PRKG1: variants seen among roughly 807,000 people sequenced by gnomAD.
PRKG1 encodes cGMP-dependent protein kinase 1.
A neutral mutation model predicts 88.1 loss-of-function variants in PRKG1; 35 were observed. The ratio of observed to expected loss-of-function variants is 0.40; its 90% CI spans 0.30 to 0.53. PRKG1 has a LOEUF of 0.53. Ranked by LOEUF, PRKG1 falls within the 20% of genes least tolerant of loss-of-function variation. The probability of loss-of-function intolerance (pLI) is 0.59; values close to 1 mark genes in which losing one functional copy is unlikely to be tolerated. For missense variants in PRKG1, 540 were observed against 839.8 expected (o/e 0.64, Z 4.41); for synonymous variants, 303 against 292.5 (o/e 1.04, Z -0.37).
chr10:51,186,966 A>ATATATG (rs1837507650), intron 2 of PRKG1, among the ~76,000 whole-genome samples: 1 of 145,356 alleles, frequency 6.9e-6, no homozygotes, highest in African/African-American at 2.5e-5. Context: ...ATATATATAT[A>ATATATG]TATATATATA....
chr10:51,115,051 C>G (rs994840553), intron 1 of PRKG1, among the ~76,000 whole-genome samples: 1 of 151,952 alleles, frequency 6.6e-6, no homozygotes, highest in African/African-American at 2.4e-5. Flanking sequence ...TGCAGTGGCT[C>G]ATGTCTGTAA....
intron 5 of PRKG1, among the ~76,000 whole-genome samples, chr10:51,969,309 C>T (rs1385505620): frequency 1.3e-5 from 2 of 152,064 alleles, no homozygotes; most frequent in Admixed American, 6.6e-5. Context: ...CATCATGCCT[C>T]ATAACTTTGT....
intron 8 of PRKG1, among the ~76,000 whole-genome samples, chr10:52,139,081 T>C (rs1005917236): frequency 6.6e-6 from 1 of 152,080 alleles, no homozygotes; most frequent in African/African-American, 2.4e-5. Flanking sequence ...ACTGGGTATG[T>C]TTTAATAGAT....
At chr10:51,495,230 G>A (rs1012200225) in intron 3 of PRKG1, among the ~76,000 whole-genome samples, 3 of 152,136 alleles carry the variant, frequency 2.0e-5, no homozygotes, top group Admixed American at 6.5e-5. Flanking sequence ...GAGTGGCTGG[G>A]ACTACAGGCG....
chr10:51,007,380 G>A (rs146011676), intron 1 of PRKG1, among the ~76,000 whole-genome samples: 120 of 152,248 alleles, frequency 7.9e-4, no homozygotes, highest in African/African-American at 2.8e-3. Context: ...TCCGAGTTAA[G>A]TTTTCTACAC....
chr10:52,189,034 TAAG>T (rs754469639), intron 9 of PRKG1, among the ~76,000 whole-genome samples: 2 of 152,140 alleles, frequency 1.3e-5, no homozygotes, highest in Non-Finnish European at 2.9e-5. Flanking sequence ...GGTTATTTAA[TAAG>T]AAGGAAAATA....
intron 2 of PRKG1, among the ~76,000 whole-genome samples, chr10:51,218,936 A>T (rs1027057125): frequency 3.6e-4 from 55 of 152,160 alleles, no homozygotes; most frequent in African/African-American, 1.3e-3. Flanking sequence ...TGGTGGCTTC[A>T]CTAACTTTGT....
intron 4 of PRKG1, among the ~76,000 whole-genome samples, chr10:51,857,443 C>G (rs1392270715): frequency 1.3e-5 from 2 of 152,078 alleles, no homozygotes; most frequent in Non-Finnish European, 2.9e-5. Context: ...TCAGAATCTC[C>G]CCCTCTCAGA....
chr10:51,379,790 G>A (rs1837026332), intron 2 of PRKG1, among the ~76,000 whole-genome samples: 1 of 152,210 alleles, frequency 6.6e-6, no homozygotes, highest in Admixed American at 6.5e-5. Context: ...CTTTTGGACA[G>A]TGCACATTGG....
intron 9 of PRKG1, among the ~76,000 whole-genome samples, chr10:52,200,351 G>T (rs1486610649): frequency 1.3e-5 from 2 of 152,028 alleles, no homozygotes; most frequent in African/African-American, 4.8e-5. Context: ...TAGGATAATG[G>T]CCTCCAGCTC....
chr10:52,129,495 A>G (rs12259288), intron 7 of PRKG1, among the ~76,000 whole-genome samples: 62,703 of 151,958 alleles, frequency 0.41, 13,843 homozygotes, highest in East Asian at 0.7. Context: ...TTAATACTAA[A>G]TCAGATAGTA....
intron 3 of PRKG1, among the ~76,000 whole-genome samples, chr10:51,621,005 G>GTATA (rs1839192668): frequency 8.1e-6 from 1 of 123,136 alleles, no homozygotes; most frequent in African/African-American, 2.9e-5. Flanking sequence ...GTGTGTATAT[G>GTATA]TGTGTATATA....
chr10:51,881,163 T>C lies in PRKG1; in HGVS notation c.699-26344T>C, dbSNP rs144651529. ...GAAAAGATCAGAGTGACTAGAGTAGTGCGCATGAAGGGGAGAGGGCTGAAA... is the reference window on the plus strand; with the variant it reads ...GAAAAGATCAGAGTGACTAGAGTAGCGCGCATGAAGGGGAGAGGGCTGAAA... On this transcript the variant is annotated intron_variant, in intron 4 of 17. Transcript: ENST00000373980. Among the ~76,000 whole-genome samples the C allele has an allele frequency of 5.2e-3, 783 of 151,962 alleles. 10 individuals carry two copies. The highest frequency in any genetic ancestry group is 0.018 in the African/African-American group (752 of 41,442).
At chr10:52,108,439 T>C (rs1847476789) in intron 7 of PRKG1, among the ~76,000 whole-genome samples, 1 of 152,168 alleles carries the variant, frequency 6.6e-6, no homozygotes, top group African/African-American at 2.4e-5. Context: ...CCTGCTCTTG[T>C]TTCATATTCA....
intron 3 of PRKG1, among the ~76,000 whole-genome samples, chr10:51,515,819 T>C (rs1170543934): frequency 6.6e-6 from 1 of 152,010 alleles, no homozygotes; most frequent in Non-Finnish European, 1.5e-5. Flanking sequence ...CAGGAGCAAA[T>C]GAGGGCAGGA....
At chr10:51,415,986 C>T (rs1006280796) in intron 2 of PRKG1, among the ~76,000 whole-genome samples, 3 of 151,838 alleles carry the variant, frequency 2.0e-5, no homozygotes, top group African/African-American at 7.3e-5. Context: ...TATACACAGG[C>T]ACCACAAAGA....
In PRKG1 at chr10:52,240,276, C is replaced by T. The variant is rs376608421; in HGVS notation, c.1077-11294C>T. Reference sequence around the variant, plus strand: ...CACTTATCTCTGTAGTCTTCTTCTTCCTCAGAATGTCCTAATTCTAGTCTA... The same window carrying T: ...CACTTATCTCTGTAGTCTTCTTCTTTCTCAGAATGTCCTAATTCTAGTCTA... On this transcript the variant is annotated intron_variant, in intron 9 of 17. Coordinates refer to ENST00000373980, the MANE Select transcript of PRKG1 (RefSeq NM_006258.4). Among the ~76,000 whole-genome samples the T allele has an allele frequency of 5.5e-4, 83 of 152,184 alleles. No individual in the cohort carries two copies. The South Asian group carries it at 0.017, about 31-fold the overall frequency.
chr10:51,657,732 AT>A (rs1218849272), intron 3 of PRKG1, among the ~76,000 whole-genome samples: 4 of 152,114 alleles, frequency 2.6e-5, no homozygotes, highest in African/African-American at 9.7e-5. Flanking sequence ...TTGTGAAGAA[AT>A]TTTTAGCCAT....
chr10:51,213,304 C>T (rs887372448), intron 2 of PRKG1, among the ~76,000 whole-genome samples: 30 of 148,606 alleles, frequency 2.0e-4, no homozygotes, highest in Non-Finnish European at 3.6e-4. Context: ...CATCACACAC[C>T]GGGGACTGTT....
Sources: gnomAD v4.1 joint callset for allele counts (sites outside exome capture counted in the v4.1 genomes callset) on GRCh38, gnomAD v4.1.1 for gene constraint, MANE v1.5 for transcripts, NCBI Gene and HGNC (gene_info 2026-07-23, HGNC 2026-07-21) for gene names.